Variants in RGS17 observed in about 807,000 individuals in gnomAD.
RGS17 encodes the protein regulator of G protein signaling 17.
A neutral mutation model predicts 25.5 loss-of-function variants in RGS17; 12 were observed. That is an observed-to-expected ratio of 0.47 (90% confidence interval 0.30 to 0.76). The LOEUF is 0.76. Ranked by LOEUF, RGS17 falls within the 30% of genes least tolerant of loss-of-function variation. RGS17 has a pLI of 0.07. For missense variants in RGS17, 196 were observed against 242.2 expected, an observed-to-expected ratio of 0.81 and a Z score of 1.27; for synonymous variants, 71 against 76.9, an observed-to-expected ratio of 0.92 and a Z score of 0.40.
chr6:153,027,691 G>A (rs2129107325), intron 2 of RGS17, among the ~76,000 whole-genome samples: 1 of 152,252 alleles, frequency 6.6e-6, no homozygotes, highest in Admixed American at 6.5e-5. Context: ...CGTCTGGGAG[G>A]CTGGCCCAAA....
intron 1 of RGS17, among the ~76,000 whole-genome samples, chr6:153,121,158 T>C (rs999899228): frequency 6.6e-6 from 1 of 151,854 alleles, no homozygotes; most frequent in Non-Finnish European, 1.5e-5. Context: ...ACAGAAGAGG[T>C]AAAACTGATG....
chr6:153,110,421 A>AACACAC (rs1461888935), intron 1 of RGS17, among the ~76,000 whole-genome samples: 3 of 68,840 alleles, frequency 4.4e-5, no homozygotes, highest in African/African-American at 1.7e-4. Context: ...CTTTACTGCC[A>AACACAC]ACATACACAC....
At chr6:153,123,589 T>C (rs1429753275) in intron 1 of RGS17, among the ~76,000 whole-genome samples, 1 of 152,230 alleles carries the variant, frequency 6.6e-6, no homozygotes, top group Non-Finnish European at 1.5e-5. Context: ...ATATTGGAGA[T>C]GGTTTTCTTT....
chr6:153,073,434 T>G (rs1304261689), intron 1 of RGS17, among the ~76,000 whole-genome samples: 1 of 152,122 alleles, frequency 6.6e-6, no homozygotes, highest in African/African-American at 2.4e-5. Context: ...GGTTTAGCAG[T>G]CAGGGTCCCA....
intron 1 of RGS17, among the ~76,000 whole-genome samples, chr6:153,078,219 C>T (rs1273951858): frequency 6.6e-6 from 1 of 152,156 alleles, no homozygotes; most frequent in Non-Finnish European, 1.5e-5. Flanking sequence ...GTAAGCCTCT[C>T]TACTTTGTGC....
intron 1 of RGS17, among the ~76,000 whole-genome samples, chr6:153,058,119 T>C (rs573083526): frequency 2.0e-5 from 3 of 152,202 alleles, no homozygotes; most frequent in African/African-American, 4.8e-5. Flanking sequence ...CTGAATGAAT[T>C]TGACACATAA....
intron 1 of RGS17, among the ~76,000 whole-genome samples, chr6:153,123,602 C>G (rs1357988999): frequency 3.9e-5 from 6 of 152,126 alleles, no homozygotes; most frequent in Non-Finnish European, 8.8e-5. Flanking sequence ...TTTTCTTTCT[C>G]AAACTTAAAT....
At position 153,130,930 on chromosome 6, in the gene RGS17, C is replaced by T. The variant is rs554117563; in HGVS notation, c.-26+194G>A. ...GGACCCGCGGCGCGGCCCCCGCTCC[C>T]GCTCAGGGCGCCGCGGCCACAGCTG... On this transcript the variant is annotated intron_variant, in intron 1 of 4. Transcript: ENST00000206262. This position sits in a 1 kb window ranked among gnomAD's most constrained non-coding sequence, Gnocchi z 6.4. Among the ~76,000 whole-genome samples, 4 of 151,900 alleles carry T rather than the reference C, an allele frequency of 2.6e-5. No homozygotes were observed. The South Asian group carries it at 6.2e-4, about 24-fold the overall frequency.
At chr6:153,120,706 GTA>G (rs1253757921) in intron 1 of RGS17, among the ~76,000 whole-genome samples, 6 of 152,294 alleles carry the variant, frequency 3.9e-5, no homozygotes, top group Non-Finnish European at 8.8e-5. Flanking sequence ...GCAGCTGCCA[GTA>G]TATGTCTTCT....
intron 1 of RGS17, among the ~76,000 whole-genome samples, chr6:153,121,807 A>AT (rs1006090087): frequency 4.6e-5 from 7 of 152,182 alleles, no homozygotes; most frequent in African/African-American, 1.7e-4. Context: ...ACCTACGAGA[A>AT]TTTTAAACTA....
At chr6:153,090,062 T>C (rs1777104660) in intron 1 of RGS17, among the ~76,000 whole-genome samples, 1 of 152,196 alleles carries the variant, frequency 6.6e-6, no homozygotes, top group Admixed American at 6.5e-5. Flanking sequence ...TCATTTTTTA[T>C]TCCCAGTTTA....
intron 1 of RGS17, among the ~76,000 whole-genome samples, chr6:153,120,848 C>A (rs924730080): frequency 2.2e-5 from 1 of 45,942 alleles, no homozygotes; most frequent in South Asian, 1.4e-3. Flanking sequence ...CTGGAGACAC[C>A]TTTCTTTGTC....
chr6:153,075,797 A>G (rs1479460458), intron 1 of RGS17, among the ~76,000 whole-genome samples: 1 of 152,236 alleles, frequency 6.6e-6, no homozygotes, highest in African/African-American at 2.4e-5. Flanking sequence ...CAATGTATTC[A>G]TTTGTGTATG....
chr6:153,119,639 G>A (rs1042840320), intron 1 of RGS17, among the ~76,000 whole-genome samples: 6 of 149,174 alleles, frequency 4.0e-5, no homozygotes, highest in African/African-American at 1.5e-4. Context: ...GTTGCAGTGA[G>A]CCGAGATCAC....
At chr6:153,053,990 TA>T (rs1421925905) in intron 1 of RGS17, among the ~76,000 whole-genome samples, 11 of 56,456 alleles carry the variant, frequency 1.9e-4, no homozygotes, top group East Asian at 7.6e-4. Context: ...TATATGTATA[TA>T]ATATATATAC....
rs549028362 is a variant in RGS17, at chr6:153,121,082, C to T, written c.-26+10042G>A. The stretch of plus-strand genomic sequence containing the variant: ...GTTCATGTTTTTTTTTTTAATTTTG[C>T]TATTCTTTGGTACAGAGTAAGGATT... On this transcript the variant is annotated intron_variant, in intron 1 of 4. Coordinates refer to ENST00000206262, the MANE Select transcript of RGS17 (RefSeq NM_012419.5). Among the ~76,000 whole-genome samples, 25 of 150,616 alleles carry T rather than the reference C, an allele frequency of 1.7e-4. No homozygotes were observed. The South Asian group carries it at 5.0e-3, about 30-fold the overall frequency.
At chr6:153,033,653 G>A (rs1375492375) in intron 2 of RGS17, among the ~76,000 whole-genome samples, 1 of 152,132 alleles carries the variant, frequency 6.6e-6, no homozygotes, top group African/African-American at 2.4e-5. Flanking sequence ...CAGAGGTGGA[G>A]GTTGCAGTGA....
At chr6:153,070,990 T>C (rs769987962) in intron 1 of RGS17, among the ~76,000 whole-genome samples, 2 of 150,626 alleles carry the variant, frequency 1.3e-5, no homozygotes, top group Non-Finnish European at 3.0e-5. Flanking sequence ...CACATGTGTG[T>C]ATATATGTAC....
chr6:153,101,181 A>G (rs532506934), intron 1 of RGS17, among the ~76,000 whole-genome samples: 52 of 152,370 alleles, frequency 3.4e-4, no homozygotes, highest in African/African-American at 1.3e-3. Context: ...GATTTCAAAG[A>G]CTATGAATAC....
Sources: allele counts gnomAD v4.1 joint callset (sites outside exome capture counted in the v4.1 genomes callset), GRCh38; gene constraint gnomAD v4.1.1; non-coding constraint Gnocchi (gnomAD v3.1); transcripts MANE v1.5; gene names NCBI Gene and HGNC (gene_info 2026-07-23, HGNC 2026-07-21).